The following CHTOP variants were observed in gnomAD, a reference collection of about 807,000 sequenced individuals.
CHTOP encodes chromatin target of PRMT1 protein.
CHTOP carries 18 observed loss-of-function variants against 33.6 expected under a neutral mutation model. The observed-to-expected ratio is 0.54, with a 90% confidence interval of 0.37 to 0.80. CHTOP has a LOEUF of 0.80. Among genes scored for constraint, CHTOP ranks in the 30% least tolerant of loss-of-function variants. CHTOP has a pLI of 0.00. For missense variants in CHTOP, 263 were observed against 336.8 expected (o/e 0.78, Z 1.71); for synonymous variants, 117 against 127.7 (o/e 0.92, Z 0.56).
intron 5 of CHTOP, chr1:153,643,927 C>G (rs1029318782): frequency 6.6e-6 from 1 of 152,248 alleles, no homozygotes; most frequent in African/African-American, 2.4e-5. Flanking sequence ...AGTTAACTAA[C>G]TGGCTCTTAT....
intron 1 of CHTOP, among the ~76,000 whole-genome samples, chr1:153,634,955 G>C (rs1205391238): frequency 2.0e-5 from 3 of 151,936 alleles, no homozygotes; most frequent in African/African-American, 7.3e-5. Flanking sequence ...CCGGGTTCAA[G>C]CGATTCTCCT....
chr1:153,636,548 C>A, intron 1 of CHTOP, 24 bp from the exon 2 acceptor site: 1 of 1,584,194 alleles, frequency 6.3e-7, no homozygotes, highest in South Asian at 1.1e-5. Flanking sequence ...GTGATTTGCT[C>A]ATTTTACGTA....
rs2101698800 is a variant in CHTOP at position 153,646,231 on chromosome 1, A to G, written c.*962A>G. On this transcript the variant is annotated 3_prime_UTR_variant, in exon 6 of 6. Transcript: ENST00000368694. The stretch of plus-strand genomic sequence containing the variant: ...TTCCCTTGAAGGTTTAAGTTCAACC[A>G]TATTCTGTCAACTGTTCAGTTTCAG... 6.6e-6 allele frequency: 1 copy of G among 152,298 alleles called. No homozygotes were observed. The highest frequency in any genetic ancestry group is 1.9e-4 in the East Asian group (1 of 5,194). The allele number at this position is 152,298 out of a possible 1,614,324, so 9.4% of individuals were successfully genotyped here.
intron 5 of CHTOP, chr1:153,644,171 C>T (rs1668721784): frequency 6.6e-6 from 1 of 152,168 alleles, no homozygotes; most frequent in Non-Finnish European, 1.5e-5. Flanking sequence ...TAACTTATGA[C>T]CTTGAAGTTG....
chr1:153,637,538 C>G (rs751680981), intron 2 of CHTOP: 2 of 152,126 alleles, frequency 1.3e-5, no homozygotes, highest in Non-Finnish European at 2.9e-5. Context: ...ATCCCAGCTA[C>G]TCAGGAGGCT....
In CHTOP at chr1:153,642,305, G is replaced by A. The variant is rs200392950; in HGVS notation, c.279G>A (p.Gly93=). Residue 93 remains glycine, a synonymous_variant, in exon 4 of 6, where the codon GGG becomes GGA. Coordinates refer to ENST00000368694, the MANE Select transcript of CHTOP (RefSeq NM_015607.4). ...AGGCACGGTTAGGCCGACCCATAGG[G>A]GCCCTGGCCAGGGGAGCAATCGGAG... is the stretch of plus-strand genomic sequence containing the variant. ...NIQARLGRPI[G]ALARGAIGGR... 20 of 1,614,172 alleles carry A rather than the reference G, an allele frequency of 1.2e-5. No homozygotes were observed. The highest frequency in any genetic ancestry group is 1.4e-5 in the Non-Finnish European group (17 of 1,180,014).
chr1:153,636,266 G>A (rs1668396640), intron 1 of CHTOP, among the ~76,000 whole-genome samples: 2 of 151,856 alleles, frequency 1.3e-5, no homozygotes, highest in African/African-American at 4.8e-5. Context: ...AATTGCCATA[G>A]AAACTTAAGA....
chr1:153,636,127 C>T (rs1242451774), intron 1 of CHTOP, among the ~76,000 whole-genome samples: 1 of 148,522 alleles, frequency 6.7e-6, no homozygotes, highest in Non-Finnish European at 1.5e-5. Context: ...CTGGGTCTCG[C>T]TTTGTTACCC....
chr1:153,636,741 A>G, intron 2 of CHTOP, 88 bp downstream of exon 2: 1 of 1,102,470 alleles, frequency 9.1e-7, no homozygotes, highest in Non-Finnish European at 1.4e-6. Context: ...GCCAATTTTA[A>G]GCTAAATACC....
intron 3 of CHTOP, among the ~76,000 whole-genome samples, chr1:153,638,919 C>T (rs1047588699): frequency 1.3e-5 from 2 of 150,130 alleles, no homozygotes; most frequent in East Asian, 1.9e-4. Flanking sequence ...CTTGCTCTGT[C>T]GCCCAGGCTG....
intron 4 of CHTOP, chr1:153,642,995 T>C (rs1668682652): frequency 5.6e-6 from 3 of 540,150 alleles, no homozygotes; most frequent in Non-Finnish European, 6.6e-6. Flanking sequence ...ATTAAATGTA[T>C]GTACTTACTA....
intron 5 of CHTOP, 33 bp from the exon 6 acceptor site, chr1:153,645,031 T>TCA: frequency 6.3e-7 from 1 of 1,580,088 alleles, no homozygotes; most frequent in Non-Finnish European, 8.6e-7. Context: ...CTTGTAACTG[T>TCA]CTCTTTTTTT....
chr1:153,642,264 G>C lies in CHTOP; in HGVS notation c.238G>C (p.Gly80Arg). 2 of 1,613,254 alleles carry C rather than the reference G, an allele frequency of 1.2e-6. No individual in the cohort carries two copies. Among genetic ancestry groups the C allele is most frequent in the Non-Finnish European group, 1.7e-6 (2 of 1,179,444 alleles). The change falls in exon 4 of 6, where the codon GGT (glycine) becomes CGT (arginine). Residue 80 changes from glycine (G) to arginine (R), a missense_variant. Physicochemically the swap from Gly to Arg is moderately radical, Grantham distance 125. Around this residue, in one of 3 missense-constraint regions of CHTOP, gnomAD observed 73 missense variants for 108.9 expected, o/e 0.67. Coordinates refer to ENST00000368694, the MANE Select transcript of CHTOP (RefSeq NM_015607.4). ...KLKQSLKQRL[G>R]KSNIQARLGR... is the part of the protein sequence containing the mutation. ...CCAGAAGAGCTTAAAGCAGCGCCTG[G>C]GTAAGAGTAACATCCAGGCACGGTT...
rs141966064 is a variant in CHTOP, at chr1:153,645,112, G to A, written c.590G>A (p.Arg197Gln). 63 of 1,613,712 alleles carry A rather than the reference G, an allele frequency of 3.9e-5. No individual in the cohort carries two copies. The highest frequency in any genetic ancestry group is 8.3e-5 in the Admixed American group (5 of 59,976). The change falls in exon 6 of 6, where the codon CGA becomes CAA. Residue 197 changes from arginine to glutamine, a missense_variant. Transcript: ENST00000368694. ...RGRGGFGGRG[R>Q]GRGRGRGALA... is the part of the protein sequence containing the mutation. ...AGAGGGGGCTTTGGAGGCCGAGGCC[G>A]AGGCCGTGGACGAGGGAGAGGTGCC...
At chr1:153,634,857 T>TA (rs751998358) in intron 1 of CHTOP, among the ~76,000 whole-genome samples, 6,615 of 86,794 alleles carry the variant, frequency 0.076, 231 homozygotes, top group African/African-American at 0.16. Context: ...TATATATATA[T>TA]TTTTTTTTGG....
In CHTOP at chr1:153,643,329, G is replaced by A. The variant is rs1434663151; in HGVS notation, c.506G>A (p.Arg169His). 9.3e-6 allele frequency: 15 copies of A among 1,607,648 alleles called. No homozygotes were observed. Among genetic ancestry groups the A allele is most frequent in the Admixed American group, 1.7e-5 (1 of 58,836 alleles). Residue 169 changes from arginine to histidine, a missense_variant, in exon 5 of 6, where the codon CGT (arginine) becomes CAT (histidine). This residue lies in a region of CHTOP where 168 missense variants were observed against 179.9 expected (regional missense o/e 0.93). Coordinates refer to ENST00000368694, the MANE Select transcript of CHTOP (RefSeq NM_015607.4). ...GGTCCTGGGAGAGGGGGCCTAGGGC[G>A]TGGAGCTATGGGTCGTGGCGGAATC... ...RGGPGRGGLG[R>H]GAMGRGGIGG... is the part of the protein sequence containing the mutation.
At chr1:153,636,981 C>T in intron 2 of CHTOP, 1 of 230,596 alleles carries the variant, frequency 4.3e-6, no homozygotes. Context: ...CTACAGTAGG[C>T]TTGCTGCCCA....
chr1:153,638,016 G>A (rs1046894211), intron 2 of CHTOP: 4 of 390,286 alleles, frequency 1.0e-5, no homozygotes, highest in East Asian at 1.1e-4. Flanking sequence ...TGCTTATTGC[G>A]TGTTTTTCAT....
intron 1 of CHTOP, among the ~76,000 whole-genome samples, chr1:153,635,080 C>T (rs561681561): frequency 1.3e-5 from 2 of 151,990 alleles, no homozygotes; most frequent in Non-Finnish European, 2.9e-5. Flanking sequence ...GAACTCCCAA[C>T]CTCAGGTGAT....
Sources: allele counts gnomAD v4.1 joint callset (sites outside exome capture counted in the v4.1 genomes callset), GRCh38; gene constraint gnomAD v4.1.1; regional missense constraint gnomAD v4.1.1; transcripts MANE v1.5; gene names NCBI Gene and HGNC (gene_info 2026-07-23, HGNC 2026-07-21).